The following C3orf20 variants were observed in gnomAD, a reference collection of about 807,000 sequenced individuals.
C3orf20 encodes the protein uncharacterized protein C3orf20.
In C3orf20, 76 loss-of-function variants were observed where a neutral mutation model predicts 88.3. The observed-to-expected ratio is 0.86, with a 90% CI of 0.72 to 1.04. C3orf20 has a LOEUF of 1.04. Ranked by LOEUF, C3orf20 falls within the 50% of genes least tolerant of loss-of-function variation. The pLI, the probability that C3orf20 is intolerant of heterozygous loss-of-function variation, is 0.00. For synonymous variants in C3orf20, 436 were observed against 437.4 expected (o/e 1.00, Z 0.04); for missense variants, 1,056 against 1,123.3 (o/e 0.94, Z 0.86).
intron 15 of C3orf20, among the ~76,000 whole-genome samples, chr3:14,770,102 C>A (rs1055563348): frequency 6.6e-6 from 1 of 152,152 alleles, no homozygotes; most frequent in African/African-American, 2.4e-5. Context: ...GCCTACCCTG[C>A]GTCTCCTGCC....
chr3:14,689,983 C>T lies in C3orf20; in HGVS notation c.626-14C>T, dbSNP rs754601075. ...AAACAGTTGAAAGAAGAATCTCTCTCTCTCCCACTCCAGAGTCCCTCGCAA... is the reference window on the plus strand; with the variant it reads ...AAACAGTTGAAAGAAGAATCTCTCTTTCTCCCACTCCAGAGTCCCTCGCAA... On this transcript the variant is annotated splice_polypyrimidine_tract_variant and intron_variant, in intron 4 of 16. Transcript: ENST00000253697. 1.9e-6 allele frequency: 3 copies of T among 1,613,980 alleles called. No homozygotes were observed. Among genetic ancestry groups the T allele is most frequent in the Non-Finnish European group, 2.5e-6 (3 of 1,180,000 alleles).
At chr3:14,711,497 T>G (rs1277453161) in intron 7 of C3orf20, among the ~76,000 whole-genome samples, 1 of 152,168 alleles carries the variant, frequency 6.6e-6, no homozygotes, top group Non-Finnish European at 1.5e-5. Flanking sequence ...GTCTTTTGGT[T>G]ACAATTTGCA....
intron 5 of C3orf20, among the ~76,000 whole-genome samples, chr3:14,694,947 T>G (rs1186875216): frequency 1.3e-5 from 2 of 152,118 alleles, no homozygotes; most frequent in Non-Finnish European, 2.9e-5. Flanking sequence ...TGCACCACTA[T>G]GCCTGGGTAA....
At position 14,757,497 on chromosome 3, in the gene C3orf20, G is replaced by A. The variant is rs756579196; in HGVS notation, c.2067G>A (p.Ala689=). The A allele has an allele frequency of 1.2e-5, 19 of 1,613,738 alleles. No homozygotes were observed. Among genetic ancestry groups the A allele is most frequent in the African/African-American group, 4.0e-5 (3 of 74,950 alleles). Residue 689 remains alanine, a synonymous_variant, in exon 13 of 17, where the codon GCG becomes GCA. Coordinates refer to ENST00000253697, the MANE Select transcript of C3orf20 (RefSeq NM_032137.5). ...TRAGCKCLVK[A]PLVSDVELER... ...CTGGCTGCAAGTGCCTGGTGAAGGC[G>A]CCCCTGGTCTCTGACGTGGAGCTGG...
intron 15 of C3orf20, among the ~76,000 whole-genome samples, chr3:14,769,456 T>C (rs1393471830): frequency 1.3e-5 from 2 of 151,812 alleles, no homozygotes; most frequent in Non-Finnish European, 2.9e-5. Flanking sequence ...GCTATCCAGA[T>C]GGGAGGGGAA....
rs377176288 is a variant in C3orf20 at position 14,772,919 on chromosome 3, G to A, written c.*44G>A. ...CAAGTGAGCCAGGCCCCGGCCCGGG[G>A]TGCTGGGGCTTCTTGCCAGCCCAGC... On this transcript the variant is annotated 3_prime_UTR_variant, in exon 17 of 17. Transcript: ENST00000253697. This position sits in a 1 kb window ranked among gnomAD's most constrained non-coding sequence, Gnocchi z 4.2. 1.9e-5 allele frequency: 28 copies of A among 1,509,488 alleles called. No individual in the cohort carries two copies. The highest frequency in any genetic ancestry group is 2.3e-5 in the Non-Finnish European group (25 of 1,086,862). The allele number at this position is 1,509,488 out of a possible 1,614,324, so 93.5% of individuals were successfully genotyped here.
chr3:14,768,249 G>A lies in C3orf20; in HGVS notation c.2496-3818G>A, dbSNP rs567291792. Reference sequence around the variant, plus strand: ...GTGCAGGGGGCCCACACCCTCGTCCGCTGCATACACCAAGACCCCTCCAAG... The same window carrying A: ...GTGCAGGGGGCCCACACCCTCGTCCACTGCATACACCAAGACCCCTCCAAG... On this transcript the variant is annotated intron_variant, in intron 15 of 16. Coordinates refer to ENST00000253697, the MANE Select transcript of C3orf20 (RefSeq NM_032137.5). This position sits in a 1 kb window ranked among gnomAD's most constrained non-coding sequence, Gnocchi z 4.1. Among the ~76,000 whole-genome samples, 207 of 152,130 alleles carry A rather than the reference G, an allele frequency of 1.4e-3. 6 individuals are homozygous for A. Among genetic ancestry groups the A allele is most frequent in the African/African-American group, 4.2e-3 (175 of 41,432 alleles).
intron 5 of C3orf20, among the ~76,000 whole-genome samples, chr3:14,693,132 G>T (rs1452557863): frequency 1.3e-5 from 2 of 152,098 alleles, no homozygotes; most frequent in African/African-American, 4.8e-5. Flanking sequence ...TAGCTCTGTT[G>T]TATAATTTGA....
chr3:14,740,813 A>C (rs2034878173), intron 12 of C3orf20, among the ~76,000 whole-genome samples: 1 of 151,218 alleles, frequency 6.6e-6, no homozygotes, highest in Non-Finnish European at 1.5e-5. Context: ...TCTTGATCTT[A>C]TTTATTCTAT....
chr3:14,685,856 C>CTTTTTTT (rs71038423), intron 4 of C3orf20, among the ~76,000 whole-genome samples: 1 of 68,394 alleles, frequency 1.5e-5, no homozygotes, highest in Non-Finnish European at 2.5e-5. Flanking sequence ...GCAGGATTTC[C>CTTTTTTT]TTTTTTTTTT....
rs551109492 is a variant in C3orf20, at chr3:14,728,525, C to T, written c.1777C>T (p.Leu593Phe). The change falls in exon 12 of 17, where the codon CTC (leucine) becomes TTC (phenylalanine). Residue 593 changes from leucine to phenylalanine, a missense_variant. Physicochemically the swap from Leu to Phe is conservative, Grantham distance 22. Transcript: ENST00000253697. Reference sequence around the variant, plus strand: ...GAGATCCAGAACTCATCCCGAGCGGCTCCCCAAGCTAAGTTTATACTCAGG... The same window carrying T: ...GAGATCCAGAACTCATCCCGAGCGGTTCCCCAAGCTAAGTTTATACTCAGG... ...KMRSRTHPER[L>F]PKLSLYSGES... is the part of the protein sequence containing the mutation. The T allele has an allele frequency of 1.2e-6, 2 of 1,614,190 alleles. No individual in the cohort carries two copies. The highest frequency in any genetic ancestry group is 4.5e-5 in the East Asian group (2 of 44,888).
intron 12 of C3orf20, among the ~76,000 whole-genome samples, chr3:14,744,875 T>TA (rs1318550865): frequency 6.6e-6 from 1 of 152,340 alleles, no homozygotes; most frequent in African/African-American, 2.4e-5. Flanking sequence ...TTCTGGGAGA[T>TA]AAATGCAAGT....
Position 14,721,772 on chromosome 3 carries a change from A to T in C3orf20, c.1554A>T (p.Ala518=). The change falls in exon 10 of 17, where the codon GCA becomes GCT. Residue 518 remains alanine, a synonymous_variant. Coordinates refer to ENST00000253697, the MANE Select transcript of C3orf20 (RefSeq NM_032137.5). ...VSANNCPHGM[A]YDKRLNRRIS... is the part of the protein sequence containing the mutation. ...CCAACAATTGTCCCCATGGAATGGC[A>T]TATGACAAACGGGTAAGGCAAGGCA... 6.2e-7 allele frequency: 1 copy of T among 1,614,194 alleles called. No individual in the cohort carries two copies. Among genetic ancestry groups the T allele is most frequent in the East Asian group, 2.2e-5 (1 of 44,882 alleles).
At chr3:14,744,932 A>G (rs2035018170) in intron 12 of C3orf20, among the ~76,000 whole-genome samples, 1 of 152,196 alleles carries the variant, frequency 6.6e-6, no homozygotes, top group Non-Finnish European at 1.5e-5. Flanking sequence ...TGGTGTAATA[A>G]TTCCTTCTTC....
rs531710372 is a variant in C3orf20 at position 14,703,712 on chromosome 3, TCTTAA to T, written c.878+456_878+460del. ...TTAGGGCTTTTGTGCACTGTTTGTT[TCTTAA>T]CTTAATTTGCTAGATGTTCTACCAG... is the stretch of plus-strand genomic sequence containing the variant. On this transcript the variant is annotated intron_variant, in intron 6 of 16. Coordinates refer to ENST00000253697, the MANE Select transcript of C3orf20 (RefSeq NM_032137.5). 1.1e-4 allele frequency among the ~76,000 whole-genome samples: 17 copies of T among 152,338 alleles called. No homozygotes were observed. In the East Asian group the frequency reaches 3.3e-3, roughly 29 times the overall value.
At chr3:14,743,715 C>T (rs914247171) in intron 12 of C3orf20, among the ~76,000 whole-genome samples, 2 of 152,042 alleles carry the variant, frequency 1.3e-5, no homozygotes, top group Non-Finnish European at 1.5e-5. Context: ...GGTTCCCAAA[C>T]CTCAATTCTT....
intron 3 of C3orf20, 133 bp from the exon 4 acceptor site, chr3:14,684,109 C>G (rs2032264549): frequency 1.7e-6 from 2 of 1,209,720 alleles, no homozygotes; most frequent in African/African-American, 3.1e-5. Flanking sequence ...CACAGTAGCC[C>G]CCTCACCCCT....
At chr3:14,731,652 A>T (rs2034544386) in intron 12 of C3orf20, among the ~76,000 whole-genome samples, 1 of 152,230 alleles carries the variant, frequency 6.6e-6, no homozygotes, top group African/African-American at 2.4e-5. Flanking sequence ...TACTGGTCAC[A>T]TAGGCACCCT....
intron 12 of C3orf20, among the ~76,000 whole-genome samples, chr3:14,739,282 C>G (rs1413810718): frequency 6.6e-6 from 1 of 152,128 alleles, no homozygotes; most frequent in Non-Finnish European, 1.5e-5. Context: ...TATTAGTAGG[C>G]ATAAAAATAA....
Sources: allele counts gnomAD v4.1 joint callset (sites outside exome capture counted in the v4.1 genomes callset), GRCh38; gene constraint gnomAD v4.1.1; non-coding constraint Gnocchi (gnomAD v3.1); transcripts MANE v1.5; gene names NCBI Gene and HGNC (gene_info 2026-07-23, HGNC 2026-07-21).